MYRFL: variants seen among roughly 807,000 people sequenced by gnomAD.
MYRFL encodes myelin regulatory factor-like protein.
In MYRFL, 88 loss-of-function variants were observed where a neutral mutation model predicts 109.4. The ratio of observed to expected loss-of-function variants is 0.80; its 90% CI spans 0.68 to 0.96. The LOEUF (loss-of-function observed/expected upper bound fraction) is 0.96, where lower values mean the gene tolerates loss of function less well. MYRFL is among the 40% of genes least tolerant of loss of function. MYRFL has a pLI of 0.00. For missense variants in MYRFL, 957 were observed against 954.9 expected (o/e 1.00, Z -0.03); for synonymous variants, 324 against 320.9 (o/e 1.01, Z -0.10).
At chr12:69,882,899 C>G (rs966720356) in intron 5 of MYRFL, among the ~76,000 whole-genome samples, 8 of 152,290 alleles carry the variant, frequency 5.3e-5, no homozygotes, top group African/African-American at 1.9e-4. Context: ...GAAAATGTAC[C>G]TATCTCATCT....
In MYRFL at chr12:69,855,205, G is replaced by T. The variant is rs928094179; in HGVS notation, c.47-75G>T. On this transcript the variant is annotated intron_variant, in intron 1 of 24. Coordinates refer to ENST00000552032, the MANE Select transcript of MYRFL (RefSeq NM_182530.3). ...GAAAGACACAGTCCCTGACCTTAAAGATTTGTCAGTGTTTTTAGCCATTGG... is the reference window on the plus strand; with the variant it reads ...GAAAGACACAGTCCCTGACCTTAAATATTTGTCAGTGTTTTTAGCCATTGG... The T allele has an allele frequency of 8.2e-5, 54 of 656,978 alleles. 3 individuals are homozygous for T. Among genetic ancestry groups the T allele is most frequent in the Non-Finnish European group, 1.7e-5 (6 of 362,864 alleles). 40.7% of individuals were successfully genotyped at this position (656,978 alleles called of 1,614,324 possible). A position where few individuals can be genotyped will look rare whatever the true frequency, so the allele number is the denominator to read the frequency against.
chr12:69,928,464 C>T (rs1955168402), intron 15 of MYRFL, among the ~76,000 whole-genome samples: 1 of 152,214 alleles, frequency 6.6e-6, no homozygotes, highest in South Asian at 2.1e-4. Flanking sequence ...CCTTAAATGA[C>T]ACCCTATTAA....
At chr12:69,891,605 C>CTTTCTT (rs1555249258) in intron 7 of MYRFL, among the ~76,000 whole-genome samples, 54 of 53,158 alleles carry the variant, frequency 1.0e-3, no homozygotes, top group South Asian at 1.7e-3. Flanking sequence ...TTCTTTCTTT[C>CTTTCTT]TCTTTCTTTC....
At chr12:69,937,611 C>A (rs962317523) in intron 19 of MYRFL, among the ~76,000 whole-genome samples, 7 of 152,156 alleles carry the variant, frequency 4.6e-5, no homozygotes, top group African/African-American at 1.4e-4. Context: ...TAACACATAT[C>A]ACCTCTGCTT....
chr12:69,876,149 G>A lies in MYRFL; in HGVS notation c.138-2879G>A, dbSNP rs150736239. Among the ~76,000 whole-genome samples, 205 of 152,286 alleles carry A rather than the reference G, an allele frequency of 1.3e-3. 1 individual carries two copies. The highest frequency in any genetic ancestry group is 4.5e-3 in the African/African-American group (186 of 41,558). ...AAGATTCCTCTTTCACTTTTCAGCA[G>A]CTGTGTTTGCCCCAAAATTTGTTTT... On this transcript the variant is annotated intron_variant, in intron 2 of 24. Transcript: ENST00000552032.
chr12:69,944,774 T>C (rs950500635), intron 19 of MYRFL, among the ~76,000 whole-genome samples: 2 of 152,138 alleles, frequency 1.3e-5, no homozygotes, highest in Non-Finnish European at 2.9e-5. Flanking sequence ...AAATACCTAA[T>C]GTAGATGACG....
intron 19 of MYRFL, among the ~76,000 whole-genome samples, chr12:69,945,986 C>CAAAAAAAAAAAAAAA (rs56988555): frequency 1.4e-4 from 6 of 42,328 alleles, no homozygotes; most frequent in Admixed American, 4.1e-4. Context: ...GACTCCGTCT[C>CAAAAAAAAAAAAAAA]AAAAAAAAAA....
intron 5 of MYRFL, among the ~76,000 whole-genome samples, chr12:69,881,586 T>C (rs1886115799): frequency 6.6e-6 from 1 of 152,342 alleles, no homozygotes; most frequent in African/African-American, 2.4e-5. Flanking sequence ...GCGTGGGCTG[T>C]GGAGGCCTTC....
chr12:69,894,430 G>T (rs1359120447), intron 8 of MYRFL, among the ~76,000 whole-genome samples: 2 of 152,108 alleles, frequency 1.3e-5, no homozygotes, highest in African/African-American at 4.8e-5. Flanking sequence ...TTTTCATATT[G>T]TTTATTGCTA....
intron 2 of MYRFL, among the ~76,000 whole-genome samples, chr12:69,861,717 TA>T: frequency 6.6e-6 from 1 of 152,018 alleles, no homozygotes. Context: ...ACTCTGATGG[TA>T]GTTTCTTTTG....
chr12:69,856,041 A>G (rs1031676339), intron 2 of MYRFL, among the ~76,000 whole-genome samples: 17 of 152,156 alleles, frequency 1.1e-4, no homozygotes, highest in Non-Finnish European at 4.4e-5. Context: ...ATCATAACAC[A>G]CAACACTGAA....
chr12:69,959,041 C>CACAT lies in MYRFL; in HGVS notation c.*514_*517dup, dbSNP rs1956156515. On this transcript the variant is annotated 3_prime_UTR_variant, in exon 25 of 25. Transcript: ENST00000552032. ...CCTATGTGTGTGTGTATTGTATAAA[C>CACAT]ACATACACTAGAGTACAGAATGTAG... 6.4e-6 allele frequency: 1 copy of CACAT among 155,846 alleles called. No homozygotes were observed. The highest frequency in any genetic ancestry group is 1.4e-5 in the Non-Finnish European group (1 of 70,870). The allele number at this position is 155,846 out of a possible 1,614,324, so 9.7% of individuals were successfully genotyped here. A position where few individuals can be genotyped will look rare whatever the true frequency, so the allele number is the denominator to read the frequency against.
intron 2 of MYRFL, among the ~76,000 whole-genome samples, chr12:69,871,111 A>G (rs1211069654): frequency 6.6e-6 from 1 of 152,210 alleles, no homozygotes; most frequent in Non-Finnish European, 1.5e-5. Context: ...AGAATTTAAG[A>G]AGTCAAATGA....
At chr12:69,860,174 C>A (rs1884554320) in intron 2 of MYRFL, among the ~76,000 whole-genome samples, 1 of 152,154 alleles carries the variant, frequency 6.6e-6, no homozygotes, top group Non-Finnish European at 1.5e-5. Flanking sequence ...TAATTCAGCT[C>A]CCACTTATAA....
At chr12:69,833,015 C>T (rs184016983) in intron 1 of MYRFL, among the ~76,000 whole-genome samples, 5 of 147,902 alleles carry the variant, frequency 3.4e-5, no homozygotes, top group East Asian at 2.0e-4. Flanking sequence ...GGACATTTTA[C>T]GTTTGAGATC....
chr12:69,870,227 ATT>A (rs71094744), intron 2 of MYRFL, among the ~76,000 whole-genome samples: 2,536 of 110,694 alleles, frequency 0.023, 94 homozygotes, highest in African/African-American at 0.083. Context: ...CGTCTGGCTA[ATT>A]TTTTTTTTTT....
chr12:69,930,828 AAAAG>A (rs1955250640), intron 15 of MYRFL, among the ~76,000 whole-genome samples: 1 of 151,594 alleles, frequency 6.6e-6, no homozygotes, highest in African/African-American at 2.4e-5. Context: ...AAAAAAAAAA[AAAAG>A]AACACGGATA....
chr12:69,884,029 G>A (rs890631492), intron 5 of MYRFL, among the ~76,000 whole-genome samples: 4 of 152,170 alleles, frequency 2.6e-5, no homozygotes, highest in Non-Finnish European at 5.9e-5. Flanking sequence ...TTGACAGGGG[G>A]CATGTAGGTG....
intron 7 of MYRFL, 122 bp from the exon 8 acceptor site, chr12:69,893,642 T>A: frequency 2.6e-6 from 1 of 378,524 alleles, no homozygotes; most frequent in South Asian, 1.1e-4. Flanking sequence ...TTCAGTGACT[T>A]GTTCCTCCTG....
Sources: gnomAD v4.1 joint callset for allele counts (sites outside exome capture counted in the v4.1 genomes callset) on GRCh38, gnomAD v4.1.1 for gene constraint, MANE v1.5 for transcripts, NCBI Gene and HGNC (gene_info 2026-07-23, HGNC 2026-07-21) for gene names.